Variants in CIZ1 observed in about 807,000 individuals in gnomAD.
CIZ1 encodes CDKN1A interacting zinc finger protein 1, also known as cip1-interacting zinc finger protein.
In CIZ1, 58 loss-of-function variants were observed where a neutral mutation model predicts 118.6. The observed-to-expected ratio is 0.49, with a 90% confidence interval of 0.40 to 0.61. CIZ1 has a LOEUF of 0.61. CIZ1 is among the 20% of genes least tolerant of loss of function. The probability of loss-of-function intolerance (pLI) is 0.00; values close to 1 mark genes in which losing one functional copy is unlikely to be tolerated. For missense variants in CIZ1, 921 were observed against 1,115.9 expected (o/e 0.83, Z 2.49); for synonymous variants, 448 against 443.4 (o/e 1.01, Z -0.13).
Position 128,203,456 on chromosome 9 carries a change from G to T in CIZ1, c.-6+730C>A, listed in dbSNP as rs376941388. The T allele has an allele frequency of 1.0e-4, 151 of 1,468,936 alleles. 1 individual carries two copies. In the African/African-American group the frequency reaches 2.0e-3, roughly 20 times the overall value. 91.0% of individuals were successfully genotyped at this position (1,468,936 alleles called of 1,614,324 possible). A position where few individuals can be genotyped will look rare whatever the true frequency, so the allele number is the denominator to read the frequency against. ...AGCGGCAGCCGGATCGCAGCCTGCG[G>T]GGCCCGCCGCAGCCATGGGCAACCG... On this transcript the variant is annotated intron_variant, in intron 1 of 17. Coordinates refer to the CIZ1 transcript ENST00000372948. This position sits in a 1 kb window ranked among gnomAD's most constrained non-coding sequence, Gnocchi z 5.3.
chr9:128,166,726 CCAGGGGAGGA>C lies in CIZ1; in HGVS notation c.2487+23_2487+32del, dbSNP rs1295170163. 1.9e-6 allele frequency: 3 copies of C among 1,613,920 alleles called. No individual in the cohort carries two copies. Among genetic ancestry groups the C allele is most frequent in the Non-Finnish European group, 2.5e-6 (3 of 1,179,870 alleles). On this transcript the variant is annotated intron_variant, in intron 16 of 16. Coordinates refer to ENST00000372938, the MANE Select transcript of CIZ1 (RefSeq NM_001131016.2). This position sits in a 1 kb window ranked among gnomAD's most constrained non-coding sequence, Gnocchi z 4.4. ...GCTTGGATTAAGACTAAGTCTGTGG[CCAGGGGAGGA>C]CAGGGCAGGATGTCCGGCTCACCTG...
In CIZ1 at chr9:128,178,944, C is replaced by G; in HGVS notation, c.1263G>C (p.Leu421=). ...GTGTCTGGACCTGCTTCTGCAGCTG[C>G]AGCTGCACCTGCCTTGGGGGCTGTG... The part of the protein sequence containing the change: ...AHSQPPRQVQ[L]QLQKQVQTQT... The change falls in exon 8 of 17, where the codon CTG becomes CTC. Residue 421 remains leucine (L), a synonymous_variant. Coordinates refer to ENST00000372938, the MANE Select transcript of CIZ1 (RefSeq NM_001131016.2). 6.2e-7 allele frequency: 1 copy of G among 1,613,600 alleles called. No homozygotes were observed. Among genetic ancestry groups the G allele is most frequent in the South Asian group, 1.1e-5 (1 of 90,874 alleles).
chr9:128,201,144 T>G (rs1175275164), intron 1 of CIZ1, among the ~76,000 whole-genome samples: 1 of 151,970 alleles, frequency 6.6e-6, no homozygotes, highest in Admixed American at 6.6e-5. Flanking sequence ...GGCACGAGCC[T>G]GTAGTCCCAG....
At chr9:128,169,349 C>T (rs552000697) in intron 13 of CIZ1, 57 bp downstream of exon 13, 10 of 1,535,518 alleles carry the variant, frequency 6.5e-6, no homozygotes, top group South Asian at 1.1e-5. Flanking sequence ...GCTACACAGC[C>T]TTGGCCAAGG....
rs952882811 is a variant in CIZ1 at position 128,203,968 on chromosome 9, A to G, written c.-6+218T>C. ...CAACATGGGCATGGAGAGAGCCCGC[A>G]TTACTCAGCGTCTCCGTTGGGCTCC... is the stretch of plus-strand genomic sequence containing the variant. On this transcript the variant is annotated intron_variant, in intron 1 of 17. Transcript: ENST00000372948. The surrounding 1 kb of genome is among the most constrained non-coding windows in gnomAD (Gnocchi z 5.3). 3 of 167,592 alleles carry G rather than the reference A, an allele frequency of 1.8e-5. No homozygotes were observed. The Admixed American group carries it at 1.9e-4, about 11-fold the overall frequency. The allele number at this position is 167,592 out of a possible 1,614,324, so 10.4% of individuals were successfully genotyped here. A position where few individuals can be genotyped will look rare whatever the true frequency, so the allele number is the denominator to read the frequency against.
Position 128,188,117 on chromosome 9 carries a change from C to CAA in CIZ1, c.287-185_287-184dup, listed in dbSNP as rs34796767. ...AAAAAAAGCAAAAGAAAGAAAAAAGCAAAAAAAAAAAAAGGAAAGAGCCAA... is the reference window on the plus strand; with the variant it reads ...AAAAAAAGCAAAAGAAAGAAAAAAGCAAAAAAAAAAAAAAAGGAAAGAGCCAA... On this transcript the variant is annotated intron_variant, in intron 3 of 16. Coordinates refer to ENST00000372938, the MANE Select transcript of CIZ1 (RefSeq NM_001131016.2). Among the ~76,000 whole-genome samples, 754 of 104,724 alleles carry CAA rather than the reference C, an allele frequency of 7.2e-3. 7 individuals are homozygous for CAA. Among genetic ancestry groups the CAA allele is most frequent in the Non-Finnish European group, 9.3e-3 (483 of 51,836 alleles). The allele number at this position is 104,724 out of a possible 152,430, so 68.7% of individuals were successfully genotyped here. A position where few individuals can be genotyped will look rare whatever the true frequency, so the allele number is the denominator to read the frequency against.
intron 15 of CIZ1, 90 bp downstream of exon 15, chr9:128,167,005 G>C: frequency 6.3e-7 from 1 of 1,582,180 alleles, no homozygotes. Context: ...TTCCCAGCCA[G>C]AATGCCATGG....
In CIZ1 at chr9:128,166,964, C is replaced by A; in HGVS notation, c.2366-84G>T. The A allele has an allele frequency of 6.2e-7, 1 of 1,610,128 alleles. No individual in the cohort carries two copies. The highest frequency in any genetic ancestry group is 1.1e-5 in the South Asian group (1 of 90,638). ...CCTCTCTAGGGGCCCATGTGCTCCC[C>A]AACCCTCTAGGCAGGGGCAGAAGAG... On this transcript the variant is annotated intron_variant, in intron 15 of 16. Transcript: ENST00000372938. The surrounding 1 kb of genome is among the most constrained non-coding windows in gnomAD (Gnocchi z 4.4).
In CIZ1 at chr9:128,191,298, G is replaced by T; in HGVS notation, c.-6+134C>A. On this transcript the variant is annotated intron_variant, in intron 1 of 16. Transcript: ENST00000372938. The surrounding 1 kb of genome is among the most constrained non-coding windows in gnomAD (Gnocchi z 5.5). ...CGGTCACCGTGGTCCTGAGCTCCGT[G>T]GGACGGCTTCTCTCCACCACCGCCA... 4.3e-6 allele frequency: 1 copy of T among 234,486 alleles called. No individual in the cohort carries two copies. Among genetic ancestry groups the T allele is most frequent in the Non-Finnish European group, 7.3e-6 (1 of 136,976 alleles). The allele number at this position is 234,486 out of a possible 1,614,324, so 14.5% of individuals were successfully genotyped here. A position where few individuals can be genotyped will look rare whatever the true frequency, so the allele number is the denominator to read the frequency against.
chr9:128,185,806 T>A, intron 4 of CIZ1, 30 bp from the exon 5 acceptor site: 15 of 1,483,572 alleles, frequency 1.0e-5, no homozygotes, highest in Non-Finnish European at 1.3e-5. Flanking sequence ...AGAAGAGGGG[T>A]CACAATGTGG....
chr9:128,200,308 T>C (rs2131050955), intron 1 of CIZ1: 1 of 152,072 alleles, frequency 6.6e-6, no homozygotes, highest in South Asian at 2.1e-4. Context: ...CAAATACTTG[T>C]GTAAAGTCTG....
rs775531056 is a variant in CIZ1 at position 128,166,857 on chromosome 9, T to C, written c.2389A>G (p.Met797Val). 1 of 1,614,202 alleles carries C rather than the reference T, an allele frequency of 6.2e-7. No individual in the cohort carries two copies. The highest frequency in any genetic ancestry group is 8.5e-7 in the Non-Finnish European group (1 of 1,180,020). The part of the protein sequence containing the change: ...AYGVDFLVPV[M>V]GYICRICHKF... ...TGGCAGATGCGGCAGATATAGCCCA[T>C]CACGGGCACCAGGAAGTCCACACCT... Residue 797 changes from methionine (M) to valine (V), a missense_variant, in exon 16 of 17, where the codon ATG becomes GTG. Coordinates refer to ENST00000372938, the MANE Select transcript of CIZ1 (RefSeq NM_001131016.2). This position sits in a 1 kb window ranked among gnomAD's most constrained non-coding sequence, Gnocchi z 4.4.
upstream of CIZ1, chr9:128,192,017 G>T: frequency 1.1e-6 from 1 of 925,822 alleles, no homozygotes; most frequent in Non-Finnish European, 1.5e-6. Flanking sequence ...CGGAGGGGTG[G>T]AGGGAGAGTC....
chr9:128,192,985 C>A (rs1160888616), upstream of CIZ1, among the ~76,000 whole-genome samples: 1 of 152,184 alleles, frequency 6.6e-6, no homozygotes, highest in African/African-American at 2.4e-5. Flanking sequence ...CCCGGGCAGG[C>A]GGAGCGCGTT....
In CIZ1 at chr9:128,190,848, G is replaced by T; in HGVS notation, c.10C>A (p.Gln4Lys). 1 of 1,542,646 alleles carries T rather than the reference G, an allele frequency of 6.5e-7. No individual in the cohort carries two copies. The highest frequency in any genetic ancestry group is 1.2e-5 in the South Asian group (1 of 83,580). MFS[Q>K]QQQQQLQQQQ... ...TGCTGGAGCTGCTGCTGCTGCTGCT[G>T]GCTGAACATGGTGGCTAGGGGCAGA... The change falls in exon 2 of 17, where the codon CAG becomes AAG. Residue 4 changes from glutamine (Q) to lysine (K), a missense_variant. Coordinates refer to ENST00000372938, the MANE Select transcript of CIZ1 (RefSeq NM_001131016.2).
At position 128,178,430 on chromosome 9, in the gene CIZ1, T is replaced by C. The variant is rs1831143577; in HGVS notation, c.1559A>G (p.Asn520Ser). Residue 520 changes from asparagine to serine, a missense_variant, in exon 9 of 17, where the codon AAT becomes AGT. Transcript: ENST00000372938. ...CACATCTAGGCCACAGGCCGACTCA[T>C]TCTGAATCTCTTCCATGCTGACTTG... ...GTQVSMEEIQ[N>S]ESACGLDVGE... The C allele has an allele frequency of 1.2e-6, 2 of 1,613,966 alleles. No homozygotes were observed. The highest frequency in any genetic ancestry group is 1.3e-5 in the African/African-American group (1 of 74,928).
chr9:128,179,418 A>G lies in CIZ1; in HGVS notation c.792-3T>C. 6.4e-7 allele frequency: 1 copy of G among 1,562,310 alleles called. No individual in the cohort carries two copies. The highest frequency in any genetic ancestry group is 2.0e-5 in the Admixed American group (1 of 48,958). On this transcript the variant is annotated splice_region_variant and splice_polypyrimidine_tract_variant and intron_variant, in intron 7 of 16. Transcript: ENST00000372938. ...CCTTCTCTGTGGGCTCTTCTGAGCT[A>G]GGAAGGATCAAAAAAAAATCCCAGT...
upstream of CIZ1, among the ~76,000 whole-genome samples, chr9:128,194,037 A>G (rs954972435): frequency 6.6e-6 from 1 of 152,208 alleles, no homozygotes; most frequent in African/African-American, 2.4e-5. Flanking sequence ...GTGTTGGTTC[A>G]TCTTTCTGGG....
upstream of CIZ1, among the ~76,000 whole-genome samples, chr9:128,195,143 G>C (rs1241862998): frequency 6.6e-6 from 1 of 152,132 alleles, no homozygotes; most frequent in Admixed American, 6.6e-5. Context: ...TATAATAGCT[G>C]TCTGGAAAAT....
Sources: gnomAD v4.1 joint callset for allele counts (sites outside exome capture counted in the v4.1 genomes callset) on GRCh38, gnomAD v4.1.1 for gene constraint, Gnocchi (gnomAD v3.1) non-coding constraint, MANE v1.5 for transcripts, NCBI Gene and HGNC (gene_info 2026-07-23, HGNC 2026-07-21) for gene names.